The following SLC47A1 variants were observed in gnomAD, a reference collection of about 807,000 sequenced individuals.
The protein encoded by SLC47A1 is solute carrier family 47 member 1, also known as multidrug and toxin extrusion protein 1.
SLC47A1 carries 58 observed loss-of-function variants against 65.8 expected under a neutral mutation model. That is an observed-to-expected ratio of 0.88 (90% CI 0.71 to 1.10). The LOEUF (loss-of-function observed/expected upper bound fraction) is 1.10, where lower values mean the gene tolerates loss of function less well. SLC47A1 is among the 50% of genes least tolerant of loss of function. The pLI is 0.00. For missense variants in SLC47A1, 706 were observed against 719.2 expected (o/e 0.98, Z 0.21); for synonymous variants, 285 against 295.0 (o/e 0.97, Z 0.35).
At position 19,533,869 on chromosome 17, in the gene SLC47A1, G is replaced by GGTACTCACTGCCGGCCTCCGCA. The variant is rs1915912941; in HGVS notation, c.-50_-49insAGTACTCACTGCCGGCCTCCGC. On this transcript the variant is annotated 5_prime_UTR_variant, in exon 1 of 17. Coordinates refer to ENST00000270570, the MANE Select transcript of SLC47A1 (RefSeq NM_018242.3). Reference sequence around the variant, plus strand: ...CGCGGTACCCACTGCCGGCCTGCGCGGTACTCACTGCCGGCCTCCGCGGTA... The same window carrying GGTACTCACTGCCGGCCTCCGCA: ...CGCGGTACCCACTGCCGGCCTGCGCGGTACTCACTGCCGGCCTCCGCAGTACTCACTGCCGGCCTCCGCGGTA... 5.3e-5 allele frequency: 72 copies of GGTACTCACTGCCGGCCTCCGCA among 1,361,720 alleles called. No homozygotes were observed. The highest frequency in any genetic ancestry group is 6.1e-5 in the Non-Finnish European group (64 of 1,052,250). The allele number at this position is 1,361,720 out of a possible 1,614,324, so 84.4% of individuals were successfully genotyped here. A position where few individuals can be genotyped will look rare whatever the true frequency, so the allele number is the denominator to read the frequency against.
chr17:19,540,849 GACACACAC>G (rs144308134), intron 1 of SLC47A1, among the ~76,000 whole-genome samples: 6 of 142,940 alleles, frequency 4.2e-5, no homozygotes, highest in African/African-American at 5.0e-5. Flanking sequence ...TCCTACAACA[GACACACAC>G]ACACACACAC....
intron 12 of SLC47A1, among the ~76,000 whole-genome samples, chr17:19,561,261 A>T (rs1252919616): frequency 6.6e-6 from 1 of 151,964 alleles, no homozygotes; most frequent in Non-Finnish European, 1.5e-5. Flanking sequence ...TCCATCTCAA[A>T]ATTTAAAAAA....
At chr17:19,550,514 C>G in intron 5 of SLC47A1, among the ~76,000 whole-genome samples, 1 of 152,102 alleles carries the variant, frequency 6.6e-6, no homozygotes, top group East Asian at 1.9e-4. Context: ...TAGCATTTTA[C>G]CATGTTTCCC....
intron 5 of SLC47A1, among the ~76,000 whole-genome samples, chr17:19,550,386 A>G (rs1356448896): frequency 6.6e-6 from 1 of 151,640 alleles, no homozygotes; most frequent in Non-Finnish European, 1.5e-5. Context: ...CACAGTCCTC[A>G]CTCATTGCAA....
intron 7 of SLC47A1, 49 bp from the exon 8 acceptor site, chr17:19,555,544 G>A (rs770235611): frequency 6.4e-7 from 1 of 1,564,482 alleles, no homozygotes; most frequent in Non-Finnish European, 8.8e-7. Context: ...AGTTGGGCAG[G>A]GAGAGGCGCA....
At chr17:19,570,509 T>C (rs148812687) in intron 14 of SLC47A1, among the ~76,000 whole-genome samples, 2 of 152,334 alleles carry the variant, frequency 1.3e-5, no homozygotes, top group African/African-American at 4.8e-5. Flanking sequence ...TGTATTTTAC[T>C]TTCTCTGGTT....
rs779647652 is a variant in SLC47A1 at position 19,572,812 on chromosome 17, C to A, written c.1437C>A (p.Asn479Lys). ...AQVHANLKVN[N>K]VPRSGNSALP... is the part of the protein sequence containing the mutation. ...TACACGCCAATTTGAAAGTAAACAA[C>A]GTGCCTCGGAGTGGGAATTCTGCTC... The change falls in exon 16 of 17, where the codon AAC becomes AAA. Residue 479 changes from asparagine to lysine, a missense_variant. Asn to Lys is a moderately conservative substitution (Grantham distance 94). Transcript: ENST00000270570. 7 of 1,614,094 alleles carry A rather than the reference C, an allele frequency of 4.3e-6. No homozygotes were observed. The highest frequency in any genetic ancestry group is 1.7e-5 in the Admixed American group (1 of 60,016).
At chr17:19,566,756 C>T (rs2084360859) in intron 12 of SLC47A1, 34 bp from the exon 13 acceptor site, 1 of 1,605,316 alleles carries the variant, frequency 6.2e-7, no homozygotes, top group Admixed American at 1.7e-5. Flanking sequence ...TCCACTTTGT[C>T]TCCTAATCAC....
intron 6 of SLC47A1, 31 bp downstream of exon 6, chr17:19,551,499 G>T: frequency 6.3e-7 from 1 of 1,592,004 alleles, no homozygotes; most frequent in Non-Finnish European, 8.6e-7. Context: ...CCTTTGGGAG[G>T]CTAATGGGAG....
chr17:19,546,584 A>G (rs528702501), intron 3 of SLC47A1, 81 bp downstream of exon 3: 72 of 1,358,340 alleles, frequency 5.3e-5, no homozygotes, highest in East Asian at 7.2e-5. Flanking sequence ...ACTGGCAGGA[A>G]GAGTTCAGCA....
rs1037388771 is a variant in SLC47A1, at chr17:19,555,669, C to G, written c.718C>G (p.Leu240Val). The stretch of plus-strand genomic sequence containing the variant: ...CTTTCTCTACATCCTCGGGAAAAAA[C>G]TGCATCAAGCTACATGGGGAGGTAA... ...LLFLYILGKK[L>V]HQATWGGWSL... is the part of the protein sequence containing the mutation. Residue 240 changes from leucine (L) to valine (V), a missense_variant, in exon 8 of 17, where the codon CTG (leucine) becomes GTG (valine). Leu to Val is a conservative substitution (Grantham distance 32, BLOSUM62 1). Transcript: ENST00000270570. 6.2e-7 allele frequency: 1 copy of G among 1,614,218 alleles called. No homozygotes were observed. Among genetic ancestry groups the G allele is most frequent in the Non-Finnish European group, 8.5e-7 (1 of 1,180,034 alleles).
rs557911875 is a variant in SLC47A1 at position 19,534,045 on chromosome 17, C to T, written c.106C>T (p.Arg36Trp). Residue 36 changes from arginine to tryptophan, a missense_variant, in exon 1 of 17, where the codon CGG becomes TGG. Physicochemically the swap from Arg to Trp is moderately radical, Grantham distance 101. Coordinates refer to ENST00000270570, the MANE Select transcript of SLC47A1 (RefSeq NM_018242.3). Reference sequence around the variant, plus strand: ...GCTGTCCGCCTTCCGAGAAGAGCTGCGGGCGCTCTTGGTCCTGGCTGGCCC... The same window carrying T: ...GCTGTCCGCCTTCCGAGAAGAGCTGTGGGCGCTCTTGGTCCTGGCTGGCCC... ...LRLSAFREEL[R>W]ALLVLAGPAF... is the part of the protein sequence containing the mutation. 10 of 1,547,648 alleles carry T rather than the reference C, an allele frequency of 6.5e-6. No homozygotes were observed. The South Asian group carries it at 1.1e-4, about 17-fold the overall frequency.
At chr17:19,571,872 G>T (rs2084402391) in intron 15 of SLC47A1, among the ~76,000 whole-genome samples, 1 of 152,124 alleles carries the variant, frequency 6.6e-6, no homozygotes, top group African/African-American at 2.4e-5. Context: ...AGAGAAATGT[G>T]GGATGCATCA....
intron 2 of SLC47A1, among the ~76,000 whole-genome samples, chr17:19,545,938 C>T (rs1409561213): frequency 6.6e-6 from 1 of 152,036 alleles, no homozygotes; most frequent in Admixed American, 6.6e-5. Flanking sequence ...TACTATAGTT[C>T]TAGGCCGCGC....
Position 19,555,795 on chromosome 17 carries a change from G to A in SLC47A1, c.740-1G>A. 2.5e-6 allele frequency: 4 copies of A among 1,613,574 alleles called. No individual in the cohort carries two copies. The highest frequency in any genetic ancestry group is 3.4e-6 in the Non-Finnish European group (4 of 1,180,020). On this transcript the variant is annotated splice_acceptor_variant, in intron 8 of 16. Coordinates refer to ENST00000270570, the MANE Select transcript of SLC47A1 (RefSeq NM_018242.3). LOFTEE classifies it high-confidence loss of function. ...TGGAAATGTGTGTGTCCCCCCCACA[G>A]GCTGGTCCCTCGAGTGCCTGCAGGA... is the stretch of plus-strand genomic sequence containing the variant.
chr17:19,570,343 T>C (rs949299497), intron 14 of SLC47A1, among the ~76,000 whole-genome samples: 4 of 152,164 alleles, frequency 2.6e-5, no homozygotes, highest in Non-Finnish European at 4.4e-5. Flanking sequence ...ACCACTTGCA[T>C]TTGGGCAGAA....
chr17:19,572,126 G>A (rs1448770451), intron 15 of SLC47A1, among the ~76,000 whole-genome samples: 1 of 152,140 alleles, frequency 6.6e-6, no homozygotes, highest in Non-Finnish European at 1.5e-5. Flanking sequence ...TCCAGCCTGA[G>A]TGATGGAGCG....
At chr17:19,566,177 A>G (rs1438855594) in intron 12 of SLC47A1, among the ~76,000 whole-genome samples, 1 of 152,182 alleles carries the variant, frequency 6.6e-6, no homozygotes, top group East Asian at 1.9e-4. Context: ...ATGAATTAAC[A>G]TTATCATAAT....
rs563605786 is a variant in SLC47A1, at chr17:19,576,799, G to A, written c.1487-528G>A. Among the ~76,000 whole-genome samples the A allele has an allele frequency of 3.9e-5, 6 of 151,962 alleles. No homozygotes were observed. The East Asian group carries it at 9.7e-4, about 25-fold the overall frequency. On this transcript the variant is annotated intron_variant, in intron 16 of 16. Coordinates refer to ENST00000270570, the MANE Select transcript of SLC47A1 (RefSeq NM_018242.3). ...TTGTTGCCCAGGCTAGAGTGCAATG[G>A]CACCATCTTGGCTCACCCAAACCTC...
Sources: gnomAD v4.1 joint callset for allele counts (sites outside exome capture counted in the v4.1 genomes callset) on GRCh38, gnomAD v4.1.1 for gene constraint, MANE v1.5 for transcripts, NCBI Gene and HGNC (gene_info 2026-07-23, HGNC 2026-07-21) for gene names.